PGBD5: variants seen among roughly 807,000 people sequenced by gnomAD.
The protein encoded by PGBD5 is piggyBac transposable element-derived protein 5.
PGBD5 carries 14 observed loss-of-function variants against 47.9 expected under a neutral mutation model. The ratio of observed to expected loss-of-function variants is 0.29; its 90% CI spans 0.19 to 0.46. The LOEUF is 0.46. Ranked by LOEUF, PGBD5 falls within the 20% of genes least tolerant of loss-of-function variation. The pLI, the probability that PGBD5 is intolerant of heterozygous loss-of-function variation, is 1.00. For synonymous variants in PGBD5, 316 were observed against 306.3 expected, an observed-to-expected ratio of 1.03 and a Z score of -0.33; for missense variants, 635 against 716.0, an observed-to-expected ratio of 0.89 and a Z score of 1.29.
intron 1 of PGBD5, among the ~76,000 whole-genome samples, chr1:230,375,187 C>A (rs1417155484): frequency 6.6e-6 from 1 of 152,164 alleles, no homozygotes; most frequent in Non-Finnish European, 1.5e-5. Flanking sequence ...AGATGAATGT[C>A]TAATCAGGCT....
At chr1:230,401,009 C>T (rs1268768097) in intron 1 of PGBD5, among the ~76,000 whole-genome samples, 1 of 152,228 alleles carries the variant, frequency 6.6e-6, no homozygotes, top group Non-Finnish European at 1.5e-5. Context: ...ATTGTATCAC[C>T]ACCCTGAGAA....
At position 230,323,086 on chromosome 1, in the gene PGBD5, C is replaced by T; in HGVS notation, c.*339G>A. The T allele has an allele frequency of 3.6e-6, 1 of 281,410 alleles. No individual in the cohort carries two copies. Among genetic ancestry groups the T allele is most frequent in the South Asian group, 6.1e-5 (1 of 16,284 alleles). The allele number at this position is 281,410 out of a possible 1,614,324, so 17.4% of individuals were successfully genotyped here. A position where few individuals can be genotyped will look rare whatever the true frequency, so the allele number is the denominator to read the frequency against. On this transcript the variant is annotated 3_prime_UTR_variant, in exon 7 of 7. Transcript: ENST00000391860. This position sits in a 1 kb window ranked among gnomAD's most constrained non-coding sequence, Gnocchi z 4.1. ...ATCTCTCTTAGAGCGTGCTCCAGCT[C>T]ATTCTACCACGGGGGCCTTCCTTCA... is the stretch of plus-strand genomic sequence containing the variant.
chr1:230,423,618 A>G (rs1311641505), intron 1 of PGBD5, among the ~76,000 whole-genome samples: 1 of 152,194 alleles, frequency 6.6e-6, no homozygotes, highest in Non-Finnish European at 1.5e-5. Context: ...ACTGAATTCA[A>G]GTTTAACAAG....
intron 3 of PGBD5, among the ~76,000 whole-genome samples, chr1:230,346,919 G>C (rs1231404952): frequency 1.3e-5 from 2 of 152,144 alleles, no homozygotes; most frequent in African/African-American, 2.4e-5. Context: ...CTCTATGGTG[G>C]TGTGGTTAAC....
intron 1 of PGBD5, among the ~76,000 whole-genome samples, chr1:230,417,117 A>G (rs914423963): frequency 1.3e-5 from 2 of 152,210 alleles, no homozygotes; most frequent in East Asian, 3.8e-4. Flanking sequence ...AATGAGGGGA[A>G]GGAAAGTTCT....
intron 2 of PGBD5, among the ~76,000 whole-genome samples, chr1:230,355,730 T>C (rs548222401): frequency 6.6e-6 from 1 of 152,258 alleles, no homozygotes; most frequent in South Asian, 2.1e-4. Context: ...CTGTGGGCCT[T>C]ACACTGGCCC....
chr1:230,425,524 G>T lies in PGBD5; in HGVS notation c.331+74C>A. On this transcript the variant is annotated intron_variant, in intron 1 of 6. Coordinates refer to ENST00000391860, the MANE Select transcript of PGBD5 (RefSeq NM_001258311.2). The surrounding 1 kb of genome is among the most constrained non-coding windows in gnomAD (Gnocchi z 4.7). ...GCCCACGGAGAGTCTGGACTCGCCC[G>T]CCCCAGCACCCACGCCTCCCCCGCG... is the stretch of plus-strand genomic sequence containing the variant. The T allele has an allele frequency of 4.5e-6, 5 of 1,106,642 alleles. No homozygotes were observed. The highest frequency in any genetic ancestry group is 5.7e-6 in the Non-Finnish European group (5 of 880,638). The allele number at this position is 1,106,642 out of a possible 1,614,324, so 68.6% of individuals were successfully genotyped here.
rs577706644 is a variant in PGBD5 at position 230,358,679 on chromosome 1, T to C, written c.332-1358A>G. Among the ~76,000 whole-genome samples the C allele has an allele frequency of 1.8e-4, 28 of 152,286 alleles. No individual in the cohort carries two copies. The South Asian group carries it at 5.8e-3, about 32-fold the overall frequency. On this transcript the variant is annotated intron_variant, in intron 1 of 6. Transcript: ENST00000391860. ...ATAACACTGTATTTTTCCTGTACCT[T>C]TTCTATGTTTAGATATGTTTGGATG...
chr1:230,414,428 C>A (rs557096458), intron 1 of PGBD5, among the ~76,000 whole-genome samples: 1 of 152,310 alleles, frequency 6.6e-6, no homozygotes, highest in East Asian at 1.9e-4. Flanking sequence ...TTTACCTAAT[C>A]TTTTTCAGAA....
intron 1 of PGBD5, among the ~76,000 whole-genome samples, chr1:230,422,745 G>T (rs542338699): frequency 6.6e-6 from 1 of 152,158 alleles, no homozygotes; most frequent in African/African-American, 2.4e-5. Flanking sequence ...AAAAACAGAA[G>T]GAAAGGGCTG....
At chr1:230,393,819 C>T (rs1656851542) in intron 1 of PGBD5, among the ~76,000 whole-genome samples, 1 of 127,784 alleles carries the variant, frequency 7.8e-6, no homozygotes, top group African/African-American at 2.7e-5. Context: ...AACGAGACTC[C>T]GTCTCAAAAA....
At chr1:230,335,120 TACAG>T (rs1373696472) in intron 4 of PGBD5, among the ~76,000 whole-genome samples, 62 of 90,070 alleles carry the variant, frequency 6.9e-4, no homozygotes, top group African/African-American at 2.5e-3. Context: ...GATACACAGA[TACAG>T]ACACATACAC....
chr1:230,334,008 T>G (rs1022739748), intron 4 of PGBD5, among the ~76,000 whole-genome samples: 5 of 152,150 alleles, frequency 3.3e-5, no homozygotes, highest in African/African-American at 1.2e-4. Context: ...GTCTCAGCCT[T>G]TACTCTCTGC....
Position 230,317,164 on chromosome 1 carries a change from C to T in PGBD5, c.*6261G>A, listed in dbSNP as rs1245347972. ...CGGAGAATCAGCCTGCTCTGTGCCC[C>T]CAACGTGTTTCAGTCATGGCACCCT... On this transcript the variant is annotated 3_prime_UTR_variant, in exon 7 of 7. Transcript: ENST00000391860. 6.6e-6 allele frequency: 1 copy of T among 152,262 alleles called. No individual in the cohort carries two copies. Among genetic ancestry groups the T allele is most frequent in the Non-Finnish European group, 1.5e-5 (1 of 68,084 alleles). The allele number at this position is 152,262 out of a possible 1,614,324, so 9.4% of individuals were successfully genotyped here.
rs1049115842 is a variant in PGBD5, at chr1:230,314,928, A to G, written c.*8497T>C. 6.6e-6 allele frequency: 1 copy of G among 152,156 alleles called. No homozygotes were observed. The highest frequency in any genetic ancestry group is 1.5e-5 in the Non-Finnish European group (1 of 68,030). The allele number at this position is 152,156 out of a possible 1,614,324, so 9.4% of individuals were successfully genotyped here. A position where few individuals can be genotyped will look rare whatever the true frequency, so the allele number is the denominator to read the frequency against. On this transcript the variant is annotated 3_prime_UTR_variant, in exon 7 of 7. Transcript: ENST00000391860. ...CTTCTTTGACACGGATTTCCTCATC[A>G]TCAATGGCGGCTCTCCTGAACTAGG... is the stretch of plus-strand genomic sequence containing the variant.
intron 1 of PGBD5, among the ~76,000 whole-genome samples, chr1:230,368,385 G>A (rs1667876275): frequency 6.6e-6 from 1 of 152,266 alleles, no homozygotes; most frequent in East Asian, 1.9e-4. Context: ...AATTTTTAGA[G>A]GAAGTCAGCA....
chr1:230,341,618 T>C (rs1284554679), intron 3 of PGBD5, among the ~76,000 whole-genome samples: 1 of 152,148 alleles, frequency 6.6e-6, no homozygotes, highest in African/African-American at 2.4e-5. Context: ...CGGAAGGAAA[T>C]ACCATTCACT....
chr1:230,377,525 C>T lies in PGBD5; in HGVS notation c.332-20204G>A, dbSNP rs753271155. ...GTGAATGAATCGCTTGGCTGCAGATCCCGGCCGGGCACTATGCTGAGCAAC... is the reference window on the plus strand; with the variant it reads ...GTGAATGAATCGCTTGGCTGCAGATTCCGGCCGGGCACTATGCTGAGCAAC... On this transcript the variant is annotated intron_variant, in intron 1 of 6. Transcript: ENST00000391860. 86 of 1,612,694 alleles carry T rather than the reference C, an allele frequency of 5.3e-5. No homozygotes were observed. The South Asian group carries it at 7.7e-4, about 14-fold the overall frequency.
In PGBD5 at chr1:230,414,078, C is replaced by T. The variant is rs370602172; in HGVS notation, c.331+11520G>A. On this transcript the variant is annotated intron_variant, in intron 1 of 6. Coordinates refer to ENST00000391860, the MANE Select transcript of PGBD5 (RefSeq NM_001258311.2). The stretch of plus-strand genomic sequence containing the variant: ...CAAGGTGCATGTGACTTAGGTTAGT[C>T]GTTTGGGATTACGAACATTGGATCA... Among the ~76,000 whole-genome samples, 12 of 152,244 alleles carry T rather than the reference C, an allele frequency of 7.9e-5. No homozygotes were observed. In the East Asian group the frequency reaches 1.7e-3, roughly 22 times the overall value.
Sources: gnomAD v4.1 joint callset for allele counts (sites outside exome capture counted in the v4.1 genomes callset) on GRCh38, gnomAD v4.1.1 for gene constraint, Gnocchi (gnomAD v3.1) non-coding constraint, MANE v1.5 for transcripts, NCBI Gene and HGNC (gene_info 2026-07-23, HGNC 2026-07-21) for gene names.